Variants in SHPRH observed in about 807,000 individuals in gnomAD.
SHPRH encodes E3 ubiquitin-protein ligase SHPRH.
SHPRH carries 106 observed loss-of-function variants against 202.5 expected under a neutral mutation model. That is an observed-to-expected ratio of 0.52 (90% confidence interval 0.45 to 0.62). SHPRH has a LOEUF of 0.62. Among genes scored for constraint, SHPRH ranks in the 20% least tolerant of loss-of-function variants. SHPRH has a pLI of 0.00. For missense variants in SHPRH, 1,710 were observed against 2,020.0 expected (o/e 0.85, Z 2.94); for synonymous variants, 729 against 686.0 (o/e 1.06, Z -0.98).
intron 6 of SHPRH, 28 bp from the exon 7 acceptor site, chr6:145,946,369 A>C: frequency 6.5e-7 from 1 of 1,548,786 alleles, no homozygotes; most frequent in Non-Finnish European, 8.8e-7. Context: ...CAGTAGTTAC[A>C]CAGTGTTTTG....
chr6:145,950,172 G>T, intron 4 of SHPRH, 92 bp downstream of exon 4: 1 of 1,006,388 alleles, frequency 9.9e-7, no homozygotes, highest in Non-Finnish European at 1.5e-6. Context: ...TTTTCAGGAT[G>T]TTTATTTTAA....
At chr6:145,869,819 CTTTTT>C (rs71028375) in intron 2 of SHPRH, among the ~76,000 whole-genome samples, 10 of 134,584 alleles carry the variant, frequency 7.4e-5, no homozygotes, top group African/African-American at 2.2e-4. Flanking sequence ...TTTTTCTTTT[CTTTTT>C]TTTTTTTTTG....
chr6:145,884,235 A>T (rs931724605), downstream of SHPRH: 1 of 152,222 alleles, frequency 6.6e-6, no homozygotes, highest in Non-Finnish European at 1.5e-5. Flanking sequence ...GAAAGATAAC[A>T]ATTCCTAAAA....
downstream of SHPRH, among the ~76,000 whole-genome samples, chr6:145,862,892 A>C (rs748737711): frequency 7.2e-5 from 11 of 152,128 alleles, no homozygotes; most frequent in Admixed American, 4.6e-4. Context: ...TTTTTTCTGG[A>C]TTTTAGAACT....
intron 25 of SHPRH, among the ~76,000 whole-genome samples, chr6:145,901,787 T>C (rs949746191): frequency 6.6e-6 from 1 of 152,106 alleles, no homozygotes; most frequent in Admixed American, 6.6e-5. Flanking sequence ...CTTTCCTTAC[T>C]CCCATCCTTT....
chr6:145,868,652 G>C (rs147232095), intron 2 of SHPRH, among the ~76,000 whole-genome samples: 194 of 152,300 alleles, frequency 1.3e-3, no homozygotes, highest in African/African-American at 4.4e-3. Context: ...AGCTTTCTTA[G>C]AAGAGTACTG....
At chr6:145,932,698 T>C (rs1785603145) in intron 14 of SHPRH, among the ~76,000 whole-genome samples, 1 of 152,220 alleles carries the variant, frequency 6.6e-6, no homozygotes, top group African/African-American at 2.4e-5. Context: ...CTTTAATGTG[T>C]CAAAATTTAA....
chr6:145,928,554 C>T (rs888420501), intron 14 of SHPRH, among the ~76,000 whole-genome samples: 1 of 151,450 alleles, frequency 6.6e-6, no homozygotes, highest in Non-Finnish European at 1.5e-5. Flanking sequence ...ATATGCAAAC[C>T]TTTGTAAATT....
chr6:145,911,827 C>T (rs537840509), intron 24 of SHPRH, among the ~76,000 whole-genome samples: 1 of 152,174 alleles, frequency 6.6e-6, no homozygotes, highest in East Asian at 1.9e-4. Context: ...TTTCAAACCA[C>T]TATTTTGCCT....
At chr6:145,899,519 A>G (rs1212340774) in intron 25 of SHPRH, among the ~76,000 whole-genome samples, 1 of 152,124 alleles carries the variant, frequency 6.6e-6, no homozygotes, top group Non-Finnish European at 1.5e-5. Context: ...CCCTTATCTC[A>G]CCGCATATAC....
At chr6:145,936,779 G>C (rs907857871) in intron 11 of SHPRH, among the ~76,000 whole-genome samples, 4 of 152,096 alleles carry the variant, frequency 2.6e-5, no homozygotes, top group Non-Finnish European at 5.9e-5. Context: ...ATTGAATTAA[G>C]TTACCTTGAT....
chr6:145,865,428 T>G (rs1418400497), intron 2 of SHPRH, among the ~76,000 whole-genome samples: 1 of 152,250 alleles, frequency 6.6e-6, no homozygotes, highest in Non-Finnish European at 1.5e-5. Flanking sequence ...GATCTTGGAC[T>G]GCCAGCCTCC....
chr6:145,892,027 AAT>A lies in SHPRH; in HGVS notation c.4874+1186_4874+1187del, dbSNP rs562070345. ...CTTTGCCCTATTTGTTAAGAGGTTTAATAAACATGTCTCTTTCCTGTTTTCAA... is the reference window on the plus strand; with the variant it reads ...CTTTGCCCTATTTGTTAAGAGGTTTAAAACATGTCTCTTTCCTGTTTTCAA... On this transcript the variant is annotated intron_variant, in intron 28 of 29. Coordinates refer to ENST00000275233, the MANE Select transcript of SHPRH (RefSeq NM_001042683.3). 1.8e-3 allele frequency among the ~76,000 whole-genome samples: 273 copies of A among 152,288 alleles called. 1 individual carries two copies. The highest frequency in any genetic ancestry group is 6.3e-3 in the African/African-American group (260 of 41,568).
At chr6:145,933,005 C>T (rs767587315) in intron 14 of SHPRH, 52 bp downstream of exon 14, 1 of 1,525,090 alleles carries the variant, frequency 6.6e-7, no homozygotes. Flanking sequence ...CTATAATTAA[C>T]CTTCCTCAGG....
At chr6:145,954,622 A>G (rs1788310243) in intron 2 of SHPRH, 68 bp downstream of exon 2, 1 of 1,485,896 alleles carries the variant, frequency 6.7e-7, no homozygotes, top group Non-Finnish European at 9.0e-7. Context: ...CTTCTCTCAC[A>G]AGTTAATTTA....
At position 145,947,649 on chromosome 6, in the gene SHPRH, G is replaced by GA. The variant is rs1358795962; in HGVS notation, c.1062-7dup. 4.4e-6 allele frequency: 7 copies of GA among 1,609,112 alleles called. No homozygotes were observed. Among genetic ancestry groups the GA allele is most frequent in the East Asian group, 2.2e-5 (1 of 44,778 alleles). ...TTGGGTACTCACGAATGATGCTGAG[G>GA]AAAAAAACAAGATAAATCACATCAT... On this transcript the variant is annotated splice_region_variant and splice_polypyrimidine_tract_variant and intron_variant, in intron 5 of 29. Transcript: ENST00000275233.
chr6:145,877,646 G>C (rs1261613924), intron 2 of SHPRH: 1 of 152,132 alleles, frequency 6.6e-6, no homozygotes, highest in Non-Finnish European at 1.5e-5. Context: ...TGCAGATCCA[G>C]TGGATAATCA....
intron 11 of SHPRH, among the ~76,000 whole-genome samples, chr6:145,936,351 AGACAAGGTCTT>A (rs1234544940): frequency 6.6e-6 from 1 of 152,132 alleles, no homozygotes; most frequent in Non-Finnish European, 1.5e-5. Flanking sequence ...TGTTTTTTTG[AGACAAGGTCTT>A]GCTGTTGCCC....
chr6:145,948,386 T>C (rs988743614), intron 4 of SHPRH, 36 bp from the exon 5 acceptor site: 68 of 1,541,298 alleles, frequency 4.4e-5, no homozygotes, highest in Non-Finnish European at 5.9e-5. Flanking sequence ...CAAATTTTTG[T>C]TTTCCCTTCA....
Sources: allele counts gnomAD v4.1 joint callset (sites outside exome capture counted in the v4.1 genomes callset), GRCh38; gene constraint gnomAD v4.1.1; transcripts MANE v1.5; gene names NCBI Gene and HGNC (gene_info 2026-07-23, HGNC 2026-07-21).